The following DENND1B variants were observed in gnomAD, a reference collection of about 807,000 sequenced individuals.
DENND1B encodes the protein DENN domain containing 1B.
In DENND1B, 59 loss-of-function variants were observed where a neutral mutation model predicts 90.1. The ratio of observed to expected loss-of-function variants is 0.65; its 90% CI spans 0.53 to 0.81. The LOEUF (loss-of-function observed/expected upper bound fraction) is 0.81, where lower values mean the gene tolerates loss of function less well. DENND1B is among the 40% of genes least tolerant of loss of function. DENND1B has a pLI of 0.00. For missense variants in DENND1B, 862 were observed against 912.6 expected (o/e 0.94, Z 0.71); for synonymous variants, 337 against 324.6 (o/e 1.04, Z -0.41).
Position 197,713,806 on chromosome 1 carries a change from ATATAT to A in DENND1B, c.126+1220_126+1224del, listed in dbSNP as rs1558432881. On this transcript the variant is annotated intron_variant, in intron 3 of 22. Transcript: ENST00000620048. ...TATATTATAATATTATTATATTATA[ATATAT>A]TATATATAATATATTATATATAATA... is the stretch of plus-strand genomic sequence containing the variant. Among the ~76,000 whole-genome samples the A allele has an allele frequency of 3.2e-4, 22 of 67,830 alleles. No homozygotes were observed. In the South Asian group the frequency reaches 4.5e-3, roughly 14 times the overall value. The allele number at this position is 67,830 out of a possible 152,430, so 44.5% of individuals were successfully genotyped here.
At chr1:197,541,066 T>G in intron 18 of DENND1B, 51 bp from the exon 19 acceptor site, 1 of 1,491,544 alleles carries the variant, frequency 6.7e-7, no homozygotes, top group African/African-American at 1.4e-5. Flanking sequence ...CATTACCATT[T>G]AAAGAATAAG....
At chr1:197,578,799 T>A (rs758459952) in intron 15 of DENND1B, among the ~76,000 whole-genome samples, 1 of 152,100 alleles carries the variant, frequency 6.6e-6, no homozygotes, top group Non-Finnish European at 1.5e-5. Flanking sequence ...GTAACAAACC[T>A]GCACGTTGTG....
chr1:197,734,898 G>C (rs1662497771), intron 2 of DENND1B: 1 of 985,038 alleles, frequency 1.0e-6, no homozygotes, highest in African/African-American at 1.7e-5. Context: ...CTGGCATGGA[G>C]GAGTATGTTC....
At chr1:197,769,409 A>G (rs1217852956) in intron 2 of DENND1B, among the ~76,000 whole-genome samples, 1 of 152,186 alleles carries the variant, frequency 6.6e-6, no homozygotes, top group East Asian at 1.9e-4. Context: ...CTGGCTCTAA[A>G]TAGAGACATG....
At chr1:197,772,603 A>C (rs1453422474) in intron 2 of DENND1B, among the ~76,000 whole-genome samples, 2 of 152,214 alleles carry the variant, frequency 1.3e-5, no homozygotes, top group Admixed American at 6.5e-5. Context: ...TGGGTGGATC[A>C]CTTGAGCCCA....
At chr1:197,713,789 A>ATATAAT (rs1660227664) in intron 3 of DENND1B, among the ~76,000 whole-genome samples, 2 of 13,872 alleles carry the variant, frequency 1.4e-4, no homozygotes, top group Non-Finnish European at 1.5e-4. Context: ...ATTATATTAT[A>ATATAAT]ATATTATTAT....
intron 4 of DENND1B, among the ~76,000 whole-genome samples, chr1:197,673,919 A>G (rs1655782785): frequency 6.6e-6 from 1 of 152,178 alleles, no homozygotes; most frequent in African/African-American, 2.4e-5. Context: ...AACTGGTCAT[A>G]GTAGAGAAAA....
chr1:197,603,845 TAGG>T (rs1676423784), intron 13 of DENND1B, among the ~76,000 whole-genome samples: 1 of 151,384 alleles, frequency 6.6e-6, no homozygotes, highest in Non-Finnish European at 1.5e-5. Context: ...AGATTTGGAA[TAGG>T]AGGTTTTAAT....
chr1:197,658,164 G>T (rs1298682399), intron 6 of DENND1B, 136 bp downstream of exon 6: 8 of 723,556 alleles, frequency 1.1e-5, no homozygotes, highest in South Asian at 6.6e-5. Flanking sequence ...GAAAAAAGAT[G>T]TATGGTATTG....
chr1:197,560,601 G>C (rs563990766), intron 15 of DENND1B, among the ~76,000 whole-genome samples: 1 of 151,860 alleles, frequency 6.6e-6, no homozygotes, highest in Non-Finnish European at 1.5e-5. Context: ...GGAATAGCCA[G>C]AGTAAATACC....
Position 197,775,339 on chromosome 1 carries a change from C to T in DENND1B, c.-184G>A, listed in dbSNP as rs1389021035. The T allele has an allele frequency of 2.8e-6, 1 of 363,052 alleles. No homozygotes were observed. Among genetic ancestry groups the T allele is most frequent in the Non-Finnish European group, 4.9e-6 (1 of 206,178 alleles). 22.5% of individuals were successfully genotyped at this position (363,052 alleles called of 1,614,324 possible). On this transcript the variant is annotated 5_prime_UTR_variant, in exon 1 of 23. Transcript: ENST00000620048. Reference sequence around the variant, plus strand: ...TGCGCCCCCGGCACTTCCCCGCCTCCCACCCCACCCACCAGAGCCTTTCTG... The same window carrying T: ...TGCGCCCCCGGCACTTCCCCGCCTCTCACCCCACCCACCAGAGCCTTTCTG...
At position 197,689,694 on chromosome 1, in the gene DENND1B, A is replaced by G. The variant is rs191208036; in HGVS notation, c.127-15525T>C. 391 of 155,230 alleles carry G rather than the reference A, an allele frequency of 2.5e-3. 7 individuals carry two copies. The highest frequency in any genetic ancestry group is 5.5e-4 in the Non-Finnish European group (38 of 69,536). 9.6% of individuals were successfully genotyped at this position (155,230 alleles called of 1,614,324 possible). ...CCCATATTAAGAAAACTGGCTACGG[A>G]CCTGCTACAGTAGCATTTGTGCCAA... On this transcript the variant is annotated intron_variant, in intron 3 of 22. Coordinates refer to ENST00000620048, the MANE Select transcript of DENND1B (RefSeq NM_001195215.2).
intron 3 of DENND1B, among the ~76,000 whole-genome samples, chr1:197,695,969 T>TA (rs1275726509): frequency 2.0e-5 from 3 of 151,354 alleles, no homozygotes; most frequent in African/African-American, 7.3e-5. Context: ...TATGAATGTA[T>TA]AAAAAAATTG....
intron 13 of DENND1B, among the ~76,000 whole-genome samples, chr1:197,599,343 C>A (rs1220471441): frequency 4.6e-5 from 7 of 151,568 alleles, no homozygotes; most frequent in Admixed American, 4.6e-4. Context: ...AACTGCTATA[C>A]CTAGAAATTT....
At chr1:197,689,309 G>A (rs1301357097) in intron 3 of DENND1B, among the ~76,000 whole-genome samples, 1 of 152,042 alleles carries the variant, frequency 6.6e-6, no homozygotes, top group Non-Finnish European at 1.5e-5. Context: ...CAAATCTCGT[G>A]AGACTTACTC....
intron 13 of DENND1B, chr1:197,606,441 T>G (rs1241629704): frequency 1.3e-5 from 2 of 151,250 alleles, no homozygotes; most frequent in Non-Finnish European, 3.0e-5. Flanking sequence ...CAGTCTTTGC[T>G]CTGCCAAAGC....
upstream of DENND1B, among the ~76,000 whole-genome samples, chr1:197,779,568 CTCTT>C (rs531107339): frequency 2.1e-4 from 32 of 152,128 alleles, no homozygotes; most frequent in East Asian, 6.2e-3. Flanking sequence ...TAGTATGTCT[CTCTT>C]TATCTGTCTA....
At chr1:197,675,631 A>G (rs2125989863) in intron 3 of DENND1B, among the ~76,000 whole-genome samples, 1 of 152,250 alleles carries the variant, frequency 6.6e-6, no homozygotes, top group South Asian at 2.1e-4. Context: ...TAAACTGAAA[A>G]ACAGTTCATT....
At position 197,580,083 on chromosome 1, in the gene DENND1B, C is replaced by A. The variant is rs1309023127; in HGVS notation, c.1149+3069G>T. On this transcript the variant is annotated intron_variant, in intron 15 of 22. Coordinates refer to ENST00000620048, the MANE Select transcript of DENND1B (RefSeq NM_001195215.2). Reference sequence around the variant, plus strand: ...TTAATAATTTTTCTTTCTTTTCTTTCTTTCTTTTTTTTTTTTTTTTTTTTT... The same window carrying A: ...TTAATAATTTTTCTTTCTTTTCTTTATTTCTTTTTTTTTTTTTTTTTTTTT... 1.3e-4 allele frequency among the ~76,000 whole-genome samples: 13 copies of A among 100,176 alleles called. No homozygotes were observed. The East Asian group carries it at 3.1e-3, about 24-fold the overall frequency. The allele number at this position is 100,176 out of a possible 152,430, so 65.7% of individuals were successfully genotyped here.
Sources: gnomAD v4.1 joint callset for allele counts (sites outside exome capture counted in the v4.1 genomes callset) on GRCh38, gnomAD v4.1.1 for gene constraint, MANE v1.5 for transcripts, NCBI Gene and HGNC (gene_info 2026-07-23, HGNC 2026-07-21) for gene names.